MSRA: variants seen among roughly 807,000 people sequenced by gnomAD.
The protein encoded by MSRA is mitochondrial peptide methionine sulfoxide reductase.
A neutral mutation model predicts 31.3 loss-of-function variants in MSRA; 54 were observed. The ratio of observed to expected loss-of-function variants is 1.73; its 90% CI spans 1.39 to 2.17. The LOEUF is 2.17. Ranked by LOEUF, MSRA falls within the 30% of genes most tolerant of loss-of-function variation. MSRA has a pLI of 0.00. For missense variants in MSRA, 507 were observed against 300.9 expected (o/e 1.69, Z -5.07); for synonymous variants, 169 against 116.5 (o/e 1.45, Z -2.90).
chr8:10,253,712 T>G (rs1292615856), intron 3 of MSRA, among the ~76,000 whole-genome samples: 2 of 151,426 alleles, frequency 1.3e-5, no homozygotes, highest in South Asian at 2.1e-4. Context: ...TCACATCTAA[T>G]GGAGCCATAA....
At chr8:10,070,814 T>G (rs1422751107) in intron 1 of MSRA, among the ~76,000 whole-genome samples, 1 of 152,220 alleles carries the variant, frequency 6.6e-6, no homozygotes, top group Non-Finnish European at 1.5e-5. Flanking sequence ...TTCACCCCAG[T>G]TGGTTAATGT....
intron 5 of MSRA, among the ~76,000 whole-genome samples, chr8:10,321,571 T>G (rs985059937): frequency 6.6e-6 from 1 of 152,142 alleles, no homozygotes; most frequent in African/African-American, 2.4e-5. Flanking sequence ...GTAATTCATC[T>G]CCTTGAATAT....
intron 3 of MSRA, among the ~76,000 whole-genome samples, chr8:10,264,783 G>T (rs1798660750): frequency 6.6e-6 from 1 of 152,216 alleles, no homozygotes; most frequent in Non-Finnish European, 1.5e-5. Flanking sequence ...CAAGTCCCAG[G>T]AACTAACTTG....
intron 1 of MSRA, among the ~76,000 whole-genome samples, chr8:10,168,294 G>C (rs1805315875): frequency 6.6e-6 from 1 of 152,052 alleles, no homozygotes; most frequent in Non-Finnish European, 1.5e-5. Context: ...TTTATATGTG[G>C]AATTCCCAGT....
chr8:10,412,395 A>G (rs1808211605), intron 5 of MSRA, among the ~76,000 whole-genome samples: 1 of 152,216 alleles, frequency 6.6e-6, no homozygotes, highest in Non-Finnish European at 1.5e-5. Flanking sequence ...TGCTGAACCA[A>G]CTGAAAAAGT....
chr8:10,218,830 T>G (rs1810236296), intron 2 of MSRA, among the ~76,000 whole-genome samples: 1 of 152,236 alleles, frequency 6.6e-6, no homozygotes. Flanking sequence ...TATTGAAATT[T>G]GTAACCAGTT....
At chr8:10,347,214 T>C (rs1803837983) in intron 5 of MSRA, among the ~76,000 whole-genome samples, 1 of 152,216 alleles carries the variant, frequency 6.6e-6, no homozygotes, top group Non-Finnish European at 1.5e-5. Flanking sequence ...CGTGTCTGGC[T>C]CCAGTCAGCT....
At chr8:10,268,196 C>T (rs1025690018) in intron 3 of MSRA, among the ~76,000 whole-genome samples, 15 of 152,316 alleles carry the variant, frequency 9.8e-5, no homozygotes, top group African/African-American at 1.4e-4. Context: ...GAGATGGACA[C>T]GTGTGTGAAT....
chr8:10,347,733 A>G (rs1265117931), intron 5 of MSRA, among the ~76,000 whole-genome samples: 1 of 152,204 alleles, frequency 6.6e-6, no homozygotes, highest in African/African-American at 2.4e-5. Flanking sequence ...ACCGTATGAA[A>G]TAATCCCGTC....
At chr8:10,260,034 A>T (rs1354041341) in intron 3 of MSRA, among the ~76,000 whole-genome samples, 1 of 152,254 alleles carries the variant, frequency 6.6e-6, no homozygotes, top group African/African-American at 2.4e-5. Flanking sequence ...CAGAGGGAGC[A>T]GTTCCGGGAA....
chr8:10,292,376 C>T (rs1312657453), intron 3 of MSRA, among the ~76,000 whole-genome samples: 3 of 152,264 alleles, frequency 2.0e-5, no homozygotes, highest in African/African-American at 7.2e-5. Flanking sequence ...GCCACTGTCA[C>T]TAAGCACATA....
chr8:10,063,482 C>G (rs2128913757), intron 1 of MSRA, among the ~76,000 whole-genome samples: 1 of 152,328 alleles, frequency 6.6e-6, no homozygotes, highest in South Asian at 2.1e-4. Flanking sequence ...GGCTCCTGCT[C>G]TGAGCTCCTT....
chr8:10,347,504 T>G (rs907556034), intron 5 of MSRA, among the ~76,000 whole-genome samples: 1 of 152,190 alleles, frequency 6.6e-6, no homozygotes, highest in Non-Finnish European at 1.5e-5. Context: ...CATCTTCATC[T>G]CTTGCATTTC....
chr8:10,164,467 A>T (rs1383459821), intron 1 of MSRA, among the ~76,000 whole-genome samples: 1 of 152,158 alleles, frequency 6.6e-6, no homozygotes, highest in Non-Finnish European at 1.5e-5. Context: ...TAGAAGTTTT[A>T]GGCTGTGCTG....
At chr8:10,211,591 G>A (rs1809500490) in intron 2 of MSRA, among the ~76,000 whole-genome samples, 1 of 152,020 alleles carries the variant, frequency 6.6e-6, no homozygotes, top group Non-Finnish European at 1.5e-5. Flanking sequence ...GTGCCCCCTT[G>A]GCTCTCACCC....
intron 1 of MSRA, among the ~76,000 whole-genome samples, chr8:10,175,122 C>T (rs1211684575): frequency 2.6e-5 from 4 of 152,146 alleles, no homozygotes; most frequent in East Asian, 1.9e-4. Context: ...CTGCACTCAC[C>T]CTCCTCTACT....
intron 3 of MSRA, among the ~76,000 whole-genome samples, chr8:10,295,478 C>G (rs924997109): frequency 1.3e-5 from 2 of 152,184 alleles, no homozygotes; most frequent in Admixed American, 6.5e-5. Flanking sequence ...CTTGGAGGCC[C>G]CCTTGGTCCT....
chr8:10,414,849 T>C (rs1808361577), intron 5 of MSRA, among the ~76,000 whole-genome samples: 1 of 152,162 alleles, frequency 6.6e-6, no homozygotes, highest in South Asian at 2.1e-4. Flanking sequence ...AGTTAATTGA[T>C]TGCAGATATG....
At chr8:10,233,464 C>A (rs1198907589) in intron 2 of MSRA, among the ~76,000 whole-genome samples, 2 of 152,098 alleles carry the variant, frequency 1.3e-5, no homozygotes, top group African/African-American at 2.4e-5. Context: ...TCAAAGAGGT[C>A]AGTGAAGAAA....
Sources: gnomAD v4.1 joint callset for allele counts (sites outside exome capture counted in the v4.1 genomes callset) on GRCh38, gnomAD v4.1.1 for gene constraint, MANE v1.5 for transcripts, NCBI Gene and HGNC (gene_info 2026-07-23, HGNC 2026-07-21) for gene names.